The following DPY19L1 variants were observed in gnomAD, a reference collection of about 807,000 sequenced individuals.
The protein encoded by DPY19L1 is dpy-19 like C-mannosyltransferase 1.
In DPY19L1, 35 loss-of-function variants were observed where a neutral mutation model predicts 96.9. The observed-to-expected ratio is 0.36, with a 90% CI of 0.28 to 0.48. The LOEUF (loss-of-function observed/expected upper bound fraction) is 0.48. Among genes scored for constraint, DPY19L1 ranks in the 20% least tolerant of loss-of-function variants. DPY19L1 has a pLI of 0.99. For synonymous variants in DPY19L1, 205 were observed against 252.6 expected, an observed-to-expected ratio of 0.81 and a Z score of 1.79; for missense variants, 521 against 777.9, an observed-to-expected ratio of 0.67 and a Z score of 3.93.
At chr7:35,013,415 C>CT (rs1207770856) in intron 4 of DPY19L1, among the ~76,000 whole-genome samples, 153 bp downstream of exon 4, 9 of 152,194 alleles carry the variant, frequency 5.9e-5, no homozygotes, top group Non-Finnish European at 1.2e-4. Flanking sequence ...CAGTAATGAT[C>CT]TTTTTTACAT....
chr7:34,996,269 T>C (rs968160588), intron 6 of DPY19L1, among the ~76,000 whole-genome samples: 3 of 152,222 alleles, frequency 2.0e-5, no homozygotes, highest in Admixed American at 2.0e-4. Context: ...CATGTCATTG[T>C]TGCTCTTGGT....
chr7:35,035,872 G>A (rs566045251), intron 1 of DPY19L1, among the ~76,000 whole-genome samples: 106 of 150,932 alleles, frequency 7.0e-4, no homozygotes, highest in African/African-American at 2.5e-3. Context: ...TTTCTAACCT[G>A]CATACTAGCC....
chr7:34,957,958 C>A (rs1280783904), intron 11 of DPY19L1, 26 bp downstream of exon 11: 3 of 1,436,572 alleles, frequency 2.1e-6, no homozygotes, highest in Non-Finnish European at 2.9e-6. Flanking sequence ...TCAAAAACAG[C>A]CATATAAGTG....
chr7:35,007,176 A>G (rs1299849845), intron 6 of DPY19L1, among the ~76,000 whole-genome samples: 1 of 152,214 alleles, frequency 6.6e-6, no homozygotes, highest in Non-Finnish European at 1.5e-5. Context: ...ATAGAAAAGA[A>G]GTGATAAGAG....
At chr7:35,034,160 G>A (rs777624992) in intron 1 of DPY19L1, among the ~76,000 whole-genome samples, 3 of 152,068 alleles carry the variant, frequency 2.0e-5, no homozygotes, top group East Asian at 1.9e-4. Flanking sequence ...CCATACTCAG[G>A]TTCTTGTTTT....
chr7:35,000,216 A>G (rs1785389766), intron 6 of DPY19L1, among the ~76,000 whole-genome samples: 1 of 152,242 alleles, frequency 6.6e-6, no homozygotes, highest in Non-Finnish European at 1.5e-5. Flanking sequence ...AATGTTCCAG[A>G]TAACATTAAA....
intron 6 of DPY19L1, among the ~76,000 whole-genome samples, chr7:34,999,144 G>A (rs1785365346): frequency 6.6e-6 from 1 of 152,126 alleles, no homozygotes; most frequent in Non-Finnish European, 1.5e-5. Flanking sequence ...CGATGAGAAG[G>A]ATGAAATAAT....
intron 7 of DPY19L1, among the ~76,000 whole-genome samples, chr7:34,982,122 G>C (rs1784952148): frequency 6.6e-6 from 1 of 152,016 alleles, no homozygotes; most frequent in African/African-American, 2.4e-5. Flanking sequence ...CAAATAAAAT[G>C]ACAACTAAAT....
At chr7:34,973,250 A>G (rs1413387868) in intron 8 of DPY19L1, among the ~76,000 whole-genome samples, 2 of 150,760 alleles carry the variant, frequency 1.3e-5, no homozygotes, top group Non-Finnish European at 2.9e-5. Flanking sequence ...AAGACTTGAG[A>G]AAGTGGAAAT....
At chr7:34,980,193 A>G (rs921144174) in intron 7 of DPY19L1, among the ~76,000 whole-genome samples, 2 of 152,156 alleles carry the variant, frequency 1.3e-5, no homozygotes, top group African/African-American at 4.8e-5. Context: ...TTAACTGGAC[A>G]TCCTATTTGG....
At chr7:35,025,843 T>C (rs1786107703) in intron 1 of DPY19L1, among the ~76,000 whole-genome samples, 1 of 152,202 alleles carries the variant, frequency 6.6e-6, no homozygotes, top group Non-Finnish European at 1.5e-5. Flanking sequence ...ACCATCTATT[T>C]ACCCCACTGT....
At chr7:34,946,617 A>G (rs1784151255) in intron 15 of DPY19L1, among the ~76,000 whole-genome samples, 1 of 152,228 alleles carries the variant, frequency 6.6e-6, no homozygotes, top group Admixed American at 6.5e-5. Context: ...AAGCACACAC[A>G]AAGCCTAGCA....
intron 21 of DPY19L1, 28 bp from the exon 22 acceptor site, chr7:34,931,757 A>G: frequency 6.4e-7 from 1 of 1,573,910 alleles, no homozygotes; most frequent in Non-Finnish European, 8.6e-7. Flanking sequence ...CATGTTAAAA[A>G]TCAATATGCA....
intron 1 of DPY19L1, among the ~76,000 whole-genome samples, chr7:35,029,872 C>T (rs188306696): frequency 1.4e-3 from 211 of 152,252 alleles, no homozygotes; most frequent in Middle Eastern, 6.8e-3. Flanking sequence ...TACAATTTTA[C>T]ACGGATGTAA....
At chr7:34,991,285 A>G (rs1785162779) in intron 6 of DPY19L1, among the ~76,000 whole-genome samples, 1 of 152,250 alleles carries the variant, frequency 6.6e-6, no homozygotes, top group African/African-American at 2.4e-5. Context: ...CTGAGGCTGC[A>G]GAACACAAAT....
At chr7:34,945,488 G>A (rs1562801438) in intron 16 of DPY19L1, among the ~76,000 whole-genome samples, 179 bp downstream of exon 16, 1 of 152,202 alleles carries the variant, frequency 6.6e-6, no homozygotes, top group Non-Finnish European at 1.5e-5. Flanking sequence ...AATAAGTGAT[G>A]TGCTGTGTTC....
chr7:34,968,648 T>C (rs1040459204), intron 9 of DPY19L1, among the ~76,000 whole-genome samples: 3 of 151,512 alleles, frequency 2.0e-5, no homozygotes, highest in African/African-American at 7.3e-5. Flanking sequence ...CACGTGCCTG[T>C]AGTTCCAGCT....
At chr7:34,990,187 C>A (rs1785136800) in intron 6 of DPY19L1, among the ~76,000 whole-genome samples, 2 of 152,164 alleles carry the variant, frequency 1.3e-5, no homozygotes, top group East Asian at 3.8e-4. Context: ...AGCACGCAAA[C>A]TGAAAGGGAA....
At chr7:34,990,449 TTAATTTTA>T (rs1785143064) in intron 6 of DPY19L1, among the ~76,000 whole-genome samples, 2 of 152,200 alleles carry the variant, frequency 1.3e-5, no homozygotes, top group African/African-American at 4.8e-5. Flanking sequence ...CATTAAAGAT[TTAATTTTA>T]TATTTCCCAA....
Sources: allele counts gnomAD v4.1 joint callset (sites outside exome capture counted in the v4.1 genomes callset), GRCh38; gene constraint gnomAD v4.1.1; transcripts MANE v1.5; gene names NCBI Gene and HGNC (gene_info 2026-07-23, HGNC 2026-07-21).